Variants in COX10 observed in about 807,000 individuals in gnomAD.
COX10 encodes cytochrome c oxidase assembly factor heme A:farnesyltransferase COX10.
A neutral mutation model predicts 37.3 loss-of-function variants in COX10; 27 were observed. That is an observed-to-expected ratio of 0.72 (90% CI 0.53 to 1.00). The LOEUF is 1.00. Among genes scored for constraint, COX10 ranks in the 50% least tolerant of loss-of-function variants. COX10 has a pLI of 0.00. For missense variants in COX10, 475 were observed against 563.2 expected, an observed-to-expected ratio of 0.84 and a Z score of 1.59; for synonymous variants, 222 against 229.1, an observed-to-expected ratio of 0.97 and a Z score of 0.28.
At chr17:14,092,250 A>G (rs1224761645) in intron 3 of COX10, among the ~76,000 whole-genome samples, 1 of 152,146 alleles carries the variant, frequency 6.6e-6, no homozygotes, top group African/African-American at 2.4e-5. Flanking sequence ...TGCTAATTGT[A>G]AATGTCAACC....
intron 5 of COX10, among the ~76,000 whole-genome samples, chr17:14,184,367 G>A (rs1401909725): frequency 6.6e-6 from 1 of 152,174 alleles, no homozygotes; most frequent in East Asian, 1.9e-4. Flanking sequence ...GCTTAGTTAT[G>A]CTACCATGAG....
intron 4 of COX10, among the ~76,000 whole-genome samples, chr17:14,117,077 T>A (rs1470065606): frequency 6.6e-6 from 1 of 152,228 alleles, no homozygotes; most frequent in Non-Finnish European, 1.5e-5. Context: ...TTATTTGTAT[T>A]TCCCTTTTTG....
intron 4 of COX10, among the ~76,000 whole-genome samples, chr17:14,132,040 CT>C (rs1290710661): frequency 6.6e-6 from 1 of 151,770 alleles, no homozygotes; most frequent in African/African-American, 2.4e-5. Context: ...CTTTCATTTG[CT>C]TTTGTTTGGG....
Position 14,069,580 on chromosome 17 carries a change from G to T in COX10, c.-26G>T. 3.1e-6 allele frequency: 5 copies of T among 1,613,624 alleles called. No individual in the cohort carries two copies. Among genetic ancestry groups the T allele is most frequent in the Non-Finnish European group, 4.2e-6 (5 of 1,179,856 alleles). ...TGAGGAGAGAGGACACAGGGATCCC[G>T]GGGAGCGGCCCCAGACTCGTAAATT... On this transcript the variant is annotated 5_prime_UTR_variant, in exon 1 of 7. Transcript: ENST00000261643.
chr17:14,127,675 T>C (rs1916373874), intron 4 of COX10, among the ~76,000 whole-genome samples: 1 of 152,192 alleles, frequency 6.6e-6, no homozygotes. Context: ...ATTGAGAATG[T>C]ATGCATTGGC....
At chr17:14,110,851 G>A (rs968068468) in intron 4 of COX10, among the ~76,000 whole-genome samples, 1 of 152,034 alleles carries the variant, frequency 6.6e-6, no homozygotes, top group Admixed American at 6.6e-5. Flanking sequence ...CTTTGCCTTA[G>A]TGACAAACTG....
At chr17:14,103,604 A>G (rs1354316341) in intron 4 of COX10, among the ~76,000 whole-genome samples, 8 of 152,182 alleles carry the variant, frequency 5.3e-5, no homozygotes. Flanking sequence ...CCTAAATATT[A>G]TAAAAAATAA....
intron 4 of COX10, among the ~76,000 whole-genome samples, chr17:14,158,634 C>T (rs1166892848): frequency 5.3e-5 from 8 of 152,180 alleles, no homozygotes; most frequent in Middle Eastern, 3.4e-3. Context: ...CTGTTACTTA[C>T]GTTTCTCTTG....
chr17:14,164,838 GA>G (rs1352485269), intron 5 of COX10, among the ~76,000 whole-genome samples: 2 of 152,190 alleles, frequency 1.3e-5, no homozygotes, highest in African/African-American at 2.4e-5. Context: ...AAAGAAAGGA[GA>G]GGTGTCATTG....
rs1037378892 is a variant in COX10 at position 14,114,106 on chromosome 17, T to C, written c.624+11864T>C. On this transcript the variant is annotated intron_variant, in intron 4 of 6. Transcript: ENST00000261643. ...TACTTTTTGTGTCATTCCATATTAG[T>C]ATATTTTTTGACTTCAGTATTTAAA... 1.9e-4 allele frequency among the ~76,000 whole-genome samples: 29 copies of C among 152,274 alleles called. 1 individual carries two copies. The highest frequency in any genetic ancestry group is 5.1e-4 in the African/African-American group (21 of 41,564).
intron 5 of COX10, among the ~76,000 whole-genome samples, chr17:14,163,763 T>A (rs1222538961): frequency 6.6e-6 from 1 of 152,232 alleles, no homozygotes; most frequent in African/African-American, 2.4e-5. Context: ...ATGGACTGTC[T>A]CTGTTCAGTT....
At chr17:14,083,141 AAAGGTC>A (rs1915335327) in intron 3 of COX10, among the ~76,000 whole-genome samples, 3 of 152,200 alleles carry the variant, frequency 2.0e-5, no homozygotes, top group African/African-American at 7.2e-5. Flanking sequence ...ACACAGATGG[AAAGGTC>A]CCAGGGCAGT....
intron 3 of COX10, among the ~76,000 whole-genome samples, chr17:14,089,471 A>ACTG (rs1915478055): frequency 2.6e-5 from 4 of 152,218 alleles, no homozygotes; most frequent in Non-Finnish European, 4.4e-5. Flanking sequence ...ACTGTCCAAC[A>ACTG]GAGCTAGCCC....
At chr17:14,099,846 G>A (rs1597500342) in intron 3 of COX10, among the ~76,000 whole-genome samples, 1 of 151,824 alleles carries the variant, frequency 6.6e-6, no homozygotes, top group East Asian at 1.9e-4. Context: ...GATGTCCCAC[G>A]GTTTCTCAAA....
At chr17:14,085,194 A>C (rs1477886027) in intron 3 of COX10, among the ~76,000 whole-genome samples, 1 of 152,200 alleles carries the variant, frequency 6.6e-6, no homozygotes, top group East Asian at 1.9e-4. Flanking sequence ...ATTATAAGCA[A>C]TAATGTAAGC....
At chr17:14,086,495 A>G (rs1915412541) in intron 3 of COX10, among the ~76,000 whole-genome samples, 2 of 152,144 alleles carry the variant, frequency 1.3e-5, no homozygotes, top group African/African-American at 2.4e-5. Context: ...TTCGGGGATG[A>G]ATTGAGAACT....
chr17:14,135,439 T>G (rs568559447), intron 4 of COX10, among the ~76,000 whole-genome samples: 3 of 151,930 alleles, frequency 2.0e-5, no homozygotes, highest in Admixed American at 2.0e-4. Context: ...AAGAATCACC[T>G]GGGGAGCTGA....
At chr17:14,163,885 T>C (rs977589211) in intron 5 of COX10, among the ~76,000 whole-genome samples, 37 of 152,252 alleles carry the variant, frequency 2.4e-4, no homozygotes, top group African/African-American at 8.7e-4. Context: ...GCTTTGTTTT[T>C]ACAATTCACT....
At chr17:14,109,825 G>A (rs1330230128) in intron 4 of COX10, among the ~76,000 whole-genome samples, 1 of 152,086 alleles carries the variant, frequency 6.6e-6, no homozygotes, top group African/African-American at 2.4e-5. Context: ...TAACGACATC[G>A]AGTGGATCTA....
Sources: allele counts gnomAD v4.1 joint callset (sites outside exome capture counted in the v4.1 genomes callset), GRCh38; gene constraint gnomAD v4.1.1; transcripts MANE v1.5; gene names NCBI Gene and HGNC (gene_info 2026-07-23, HGNC 2026-07-21).